Variants in GREB1L observed in about 807,000 individuals in gnomAD.
The protein encoded by GREB1L is GREB1 like retinoic acid receptor coactivator, also known as GREB1-like protein.
A neutral mutation model predicts 200.8 loss-of-function variants in GREB1L; 17 were observed. The ratio of observed to expected loss-of-function variants is 0.08; its 90% CI spans 0.06 to 0.13. The LOEUF is 0.13. GREB1L is among the 10% of genes least tolerant of loss of function. GREB1L has a pLI of 1.00. For missense variants in GREB1L, 1,657 were observed against 2,367.7 expected (o/e 0.70, Z 6.23); for synonymous variants, 789 against 893.0 (o/e 0.88, Z 2.08).
At chr18:21,344,824 A>G (rs1216931933) in intron 1 of GREB1L, among the ~76,000 whole-genome samples, 1 of 152,226 alleles carries the variant, frequency 6.6e-6, no homozygotes, top group Non-Finnish European at 1.5e-5. Context: ...AATGCTGGCC[A>G]GTGTTCCTAC....
chr18:21,324,788 C>T (rs148348966), intron 1 of GREB1L, among the ~76,000 whole-genome samples: 1,554 of 152,252 alleles, frequency 0.01, 15 homozygotes, highest in Middle Eastern at 0.024. Flanking sequence ...CCAGCCTGGG[C>T]GACAGAGCGA....
intron 1 of GREB1L, among the ~76,000 whole-genome samples, chr18:21,341,719 A>G (rs1377950270): frequency 3.9e-5 from 6 of 152,150 alleles, no homozygotes; most frequent in African/African-American, 1.2e-4. Context: ...GCCAAAAAGC[A>G]TTTTGGAGTT....
chr18:21,506,013 G>A (rs986365828), intron 25 of GREB1L, 64 bp downstream of exon 25: 33 of 1,462,344 alleles, frequency 2.3e-5, no homozygotes, highest in Non-Finnish European at 6.4e-6. Context: ...TAAGGGTGGG[G>A]GGTGGAGGGA....
chr18:21,481,439 ATGTGTG>A (rs34711292), intron 17 of GREB1L, among the ~76,000 whole-genome samples: 5,127 of 127,432 alleles, frequency 0.04, 273 homozygotes, highest in African/African-American at 0.11. Context: ...GTATATATGT[ATGTGTG>A]TGTGTGTGTG....
At chr18:21,412,005 A>G (rs2031087358) in intron 7 of GREB1L, among the ~76,000 whole-genome samples, 1 of 146,632 alleles carries the variant, frequency 6.8e-6, no homozygotes, top group South Asian at 2.1e-4. Flanking sequence ...AGATTGCGCC[A>G]CTGCAGTCCT....
intron 1 of GREB1L, among the ~76,000 whole-genome samples, chr18:21,322,308 A>G (rs1346827412): frequency 6.6e-6 from 1 of 152,230 alleles, no homozygotes; most frequent in African/African-American, 2.4e-5. Flanking sequence ...GTGATTCTCA[A>G]CTGGGGATGA....
intron 4 of GREB1L, among the ~76,000 whole-genome samples, chr18:21,387,988 AT>A (rs1188144156): frequency 1.3e-5 from 2 of 152,202 alleles, no homozygotes; most frequent in African/African-American, 4.8e-5. Flanking sequence ...AGCAATGAGG[AT>A]TTGGAGGAAA....
intron 1 of GREB1L, among the ~76,000 whole-genome samples, chr18:21,247,717 A>G (rs1454996115): frequency 6.6e-6 from 1 of 152,262 alleles, no homozygotes; most frequent in Non-Finnish European, 1.5e-5. Context: ...TAATAAATGT[A>G]GACATATTTT....
chr18:21,351,327 C>T (rs542926792), intron 1 of GREB1L, among the ~76,000 whole-genome samples: 29 of 152,250 alleles, frequency 1.9e-4, no homozygotes, highest in African/African-American at 6.0e-4. Context: ...GTAATCCCAG[C>T]ACTTTGGGAG....
At chr18:21,438,982 A>G (rs1568011757) in intron 7 of GREB1L, among the ~76,000 whole-genome samples, 1 of 150,902 alleles carries the variant, frequency 6.6e-6, no homozygotes, top group African/African-American at 2.4e-5. Context: ...AAAAAAAAGA[A>G]AAGAAAAGAA....
chr18:21,300,995 T>G, intron 1 of GREB1L, among the ~76,000 whole-genome samples: 1 of 152,222 alleles, frequency 6.6e-6, no homozygotes, highest in East Asian at 1.9e-4. Context: ...GTTTTCTTGA[T>G]GTCTGTGATG....
intron 1 of GREB1L, among the ~76,000 whole-genome samples, chr18:21,343,274 C>T (rs1369012456): frequency 6.6e-6 from 1 of 152,142 alleles, no homozygotes; most frequent in Non-Finnish European, 1.5e-5. Context: ...CATTGAAAAA[C>T]AACCTTGTAT....
intron 1 of GREB1L, among the ~76,000 whole-genome samples, chr18:21,251,117 G>C (rs1479798013): frequency 6.6e-6 from 1 of 152,250 alleles, no homozygotes; most frequent in African/African-American, 2.4e-5. Flanking sequence ...CCAGGAGTTC[G>C]AGACTAGCCT....
rs1417814776 is a variant in GREB1L, at chr18:21,395,552, G to T, written c.523G>T (p.Ala175Ser). The change falls in exon 5 of 33, where the codon GCA becomes TCA. Residue 175 changes from alanine (A) to serine (S), a missense_variant. Physicochemically the swap from Ala to Ser is moderately conservative, Grantham distance 99. Transcript: ENST00000424526. ...RFLPDDHGKN[A>S]LLGFSGNCIG... ...TCTACCAGATGATCATGGAAAAAAT[G>T]CACTTTTAGGTGAGTGTTTCATGCT... 55 of 1,548,132 alleles carry T rather than the reference G, an allele frequency of 3.6e-5. No homozygotes were observed. The highest frequency in any genetic ancestry group is 4.7e-5 in the Non-Finnish European group (54 of 1,145,526).
intron 1 of GREB1L, among the ~76,000 whole-genome samples, chr18:21,308,946 G>A (rs1324549761): frequency 1.3e-5 from 2 of 152,186 alleles, no homozygotes; most frequent in African/African-American, 2.4e-5. Flanking sequence ...ATTCTCAAGC[G>A]TGACCATTTC....
rs746558788 is a variant in GREB1L at position 21,525,907 on chromosome 18, G to C, written c.*3086G>C. Among the ~76,000 whole-genome samples the C allele has an allele frequency of 3.3e-5, 5 of 152,114 alleles. No individual in the cohort carries two copies. The highest frequency in any genetic ancestry group is 5.9e-5 in the Non-Finnish European group (4 of 68,022). Reference sequence around the variant, plus strand: ...CATGAAAACAATCTTCTAGGCCAAAGGACCCTCAGGAAGGGCAATAAATAT... The same window carrying C: ...CATGAAAACAATCTTCTAGGCCAAACGACCCTCAGGAAGGGCAATAAATAT... On this transcript the variant is annotated 3_prime_UTR_variant, in exon 33 of 33. Transcript: ENST00000424526.
At position 21,515,520 on chromosome 18, in the gene GREB1L, A is replaced by G. The variant is rs2037387034; in HGVS notation, c.5005A>G (p.Ile1669Val). The change falls in exon 29 of 33, where the codon ATA becomes GTA. Residue 1669 changes from isoleucine (I) to valine (V), a missense_variant. By Grantham distance (29) the Ile-to-Val change is conservative. Coordinates refer to ENST00000424526, the MANE Select transcript of GREB1L (RefSeq NM_001142966.3). ...AATTGTCCACTATGCAATCTTGGGCATACAGAAATGGAGCAGCAAGCTGAC... is the reference window on the plus strand; with the variant it reads ...AATTGTCCACTATGCAATCTTGGGCGTACAGAAATGGAGCAGCAAGCTGAC... ...PKIVHYAILG[I>V]QKWSSKLTSQ... 2 of 1,551,594 alleles carry G rather than the reference A, an allele frequency of 1.3e-6. No individual in the cohort carries two copies. Among genetic ancestry groups the G allele is most frequent in the African/African-American group, 2.7e-5 (2 of 73,046 alleles).
intron 7 of GREB1L, among the ~76,000 whole-genome samples, chr18:21,414,847 G>A (rs1298019401): frequency 6.6e-6 from 1 of 152,034 alleles, no homozygotes; most frequent in Non-Finnish European, 1.5e-5. Flanking sequence ...TGGAACAACT[G>A]CAACAACAAA....
intron 1 of GREB1L, among the ~76,000 whole-genome samples, chr18:21,277,522 A>G (rs929340771): frequency 1.3e-5 from 2 of 152,144 alleles, no homozygotes; most frequent in Non-Finnish European, 1.5e-5. Context: ...CTTAAGTAGA[A>G]TTTCAATCCT....
Sources: gnomAD v4.1 joint callset for allele counts (sites outside exome capture counted in the v4.1 genomes callset) on GRCh38, gnomAD v4.1.1 for gene constraint, MANE v1.5 for transcripts, NCBI Gene and HGNC (gene_info 2026-07-23, HGNC 2026-07-21) for gene names.